MAF: variants seen among roughly 807,000 people sequenced by gnomAD.
MAF encodes transcription factor Maf.
In MAF, 10 loss-of-function variants were observed where a neutral mutation model predicts 22.0. The ratio of observed to expected loss-of-function variants is 0.45; its 90% confidence interval spans 0.28 to 0.77. The LOEUF is 0.77. Ranked by LOEUF, MAF falls within the 30% of genes least tolerant of loss-of-function variation. The probability of loss-of-function intolerance (pLI) is 0.12; values close to 1 mark genes in which losing one functional copy is unlikely to be tolerated. For missense variants in MAF, 544 were observed against 548.4 expected (o/e 0.99, Z 0.08); for synonymous variants, 337 against 255.8 (o/e 1.32, Z -3.03).
At chr16:79,455,512 C>G in the MAF span, among the ~76,000 whole-genome samples, 1 of 152,142 alleles carries the variant, frequency 6.6e-6, no homozygotes, top group Non-Finnish European at 1.5e-5. Flanking sequence ...GGATGAGACA[C>G]CTTCAACTCC....
At chr16:79,536,714 A>T in the MAF span, among the ~76,000 whole-genome samples, 8 of 152,232 alleles carry the variant, frequency 5.3e-5, no homozygotes, top group African/African-American at 9.6e-5. Flanking sequence ...ACACATAGAG[A>T]ACTTTTTTTC....
chr16:79,592,492 G>A (rs577782868), downstream of MAF, among the ~76,000 whole-genome samples: 2 of 152,220 alleles, frequency 1.3e-5, no homozygotes, highest in Non-Finnish European at 2.9e-5. Context: ...GGCAAGTTGG[G>A]TTAAGACTCT....
At chr16:79,228,195 C>T in the MAF span, among the ~76,000 whole-genome samples, 1 of 152,088 alleles carries the variant, frequency 6.6e-6, no homozygotes, top group South Asian at 2.1e-4. Context: ...TATAAGCCAC[C>T]TTGCCCAGCC....
the MAF span, among the ~76,000 whole-genome samples, chr16:79,327,372 T>C: frequency 1.3e-5 from 2 of 152,170 alleles, no homozygotes; most frequent in Non-Finnish European, 2.9e-5. Flanking sequence ...AGTTGTGCTT[T>C]ATATTCTTAA....
At chr16:79,263,013 C>G in the MAF span, among the ~76,000 whole-genome samples, 1 of 152,168 alleles carries the variant, frequency 6.6e-6, no homozygotes, top group Non-Finnish European at 1.5e-5. Context: ...CGGAGACAGT[C>G]ATTTCACCCA....
At chr16:79,581,209 C>T (rs145301591), downstream of MAF, among the ~76,000 whole-genome samples, 640 of 152,200 alleles carry the variant, frequency 4.2e-3, 6 homozygotes, top group African/African-American at 0.015. Flanking sequence ...CAGAAAATTC[C>T]ATTCTGCTAT....
the MAF span, among the ~76,000 whole-genome samples, chr16:79,525,943 G>C: frequency 0.38 from 57,858 of 152,042 alleles, 11,962 homozygotes; most frequent in Non-Finnish European, 0.47. Context: ...GAAGATTCTT[G>C]GAGACGTGAG....
chr16:79,230,531 A>G, the MAF span, among the ~76,000 whole-genome samples: 1 of 152,160 alleles, frequency 6.6e-6, no homozygotes, highest in Non-Finnish European at 1.5e-5. Context: ...ACCATGTAGT[A>G]CAAAGGAATA....
chr16:79,387,528 C>A, the MAF span, among the ~76,000 whole-genome samples: 1 of 152,114 alleles, frequency 6.6e-6, no homozygotes, highest in Non-Finnish European at 1.5e-5. Flanking sequence ...CATGAATAGT[C>A]AATGCTTGTT....
At chr16:79,496,316 ATTGTAACAAATAAAAGACTCAAAAAGGGC>A in the MAF span, among the ~76,000 whole-genome samples, 1 of 152,216 alleles carries the variant, frequency 6.6e-6, no homozygotes, top group Non-Finnish European at 1.5e-5. Flanking sequence ...TGCAGATGGT[ATTGTAACAAATAAAAGACTCAAAAAGGGC>A]TTCTAGGCAG....
chr16:79,284,855 T>C, the MAF span, among the ~76,000 whole-genome samples: 29 of 152,254 alleles, frequency 1.9e-4, 1 homozygote, highest in Middle Eastern at 6.8e-3. Flanking sequence ...CTGGACTCGT[T>C]AAAAATACAG....
At chr16:79,339,037 C>T in the MAF span, among the ~76,000 whole-genome samples, 3 of 151,936 alleles carry the variant, frequency 2.0e-5, no homozygotes, top group South Asian at 6.2e-4. Context: ...TGGGTCAAGG[C>T]TTTTTAATTT....
At chr16:79,517,736 G>C in the MAF span, among the ~76,000 whole-genome samples, 1 of 152,062 alleles carries the variant, frequency 6.6e-6, no homozygotes, top group South Asian at 2.1e-4. Context: ...CATCATGCCC[G>C]GCTAATTTTT....
At chr16:79,386,696 T>C in the MAF span, among the ~76,000 whole-genome samples, 3 of 152,116 alleles carry the variant, frequency 2.0e-5, no homozygotes, top group East Asian at 1.9e-4. Flanking sequence ...GGAGTAGGGA[T>C]AGGAAACAAA....
chr16:79,442,066 T>C, the MAF span, among the ~76,000 whole-genome samples: 11 of 152,322 alleles, frequency 7.2e-5, no homozygotes, highest in African/African-American at 2.4e-4. Flanking sequence ...GGATGGGCTA[T>C]CCCTCAGACC....
At chr16:79,227,835 A>G in the MAF span, among the ~76,000 whole-genome samples, 3 of 152,146 alleles carry the variant, frequency 2.0e-5, no homozygotes, top group Admixed American at 6.6e-5. Flanking sequence ...CAATGTCAAT[A>G]TAACTGTTGA....
the MAF span, among the ~76,000 whole-genome samples, chr16:79,552,215 CTCT>C: frequency 3.1e-5 from 4 of 129,960 alleles, no homozygotes; most frequent in African/African-American, 1.0e-4. Flanking sequence ...CTGCTGCTCT[CTCT>C]TCTTTTTTTT....
At chr16:79,211,154 T>G in the MAF span, among the ~76,000 whole-genome samples, 18 of 152,136 alleles carry the variant, frequency 1.2e-4, no homozygotes, top group Non-Finnish European at 1.9e-4. Flanking sequence ...ACTTGGGTTT[T>G]CTACCTGATG....
At chr16:79,498,635 T>A in the MAF span, among the ~76,000 whole-genome samples, 1 of 152,156 alleles carries the variant, frequency 6.6e-6, no homozygotes, top group South Asian at 2.1e-4. Context: ...ATTATGCATA[T>A]AGGAACAGAA....
Sources: gnomAD v4.1 joint callset for allele counts (sites outside exome capture counted in the v4.1 genomes callset) on GRCh38, gnomAD v4.1.1 for gene constraint, MANE v1.5 for transcripts, NCBI Gene and HGNC (gene_info 2026-07-23, HGNC 2026-07-21) for gene names.